RTN1: variants seen among roughly 807,000 people sequenced by gnomAD.
RTN1 encodes the protein reticulon 1, also known as reticulon-1.
Under a neutral mutation model 65.5 loss-of-function variants are expected in RTN1, and 25 were observed. That is an observed-to-expected ratio of 0.38 (90% CI 0.28 to 0.53). The LOEUF (loss-of-function observed/expected upper bound fraction) is 0.53. RTN1 is among the 20% of genes least tolerant of loss of function. The probability of loss-of-function intolerance (pLI) is 0.79; values close to 1 mark genes in which losing one functional copy is unlikely to be tolerated. For synonymous variants in RTN1, 471 were observed against 447.6 expected (o/e 1.05, Z -0.66); for missense variants, 983 against 1,025.4 (o/e 0.96, Z 0.57).
chr14:59,716,462 C>A (rs1055709199), intron 3 of RTN1, among the ~76,000 whole-genome samples: 6 of 152,198 alleles, frequency 3.9e-5, no homozygotes, highest in African/African-American at 1.4e-4. Flanking sequence ...AGCCTTACAA[C>A]TAATTCTGCT....
At chr14:59,840,958 T>C (rs964101300) in intron 1 of RTN1, among the ~76,000 whole-genome samples, 23 of 152,244 alleles carry the variant, frequency 1.5e-4, no homozygotes, top group African/African-American at 5.5e-4. Flanking sequence ...CGGGGTCATT[T>C]AAGTAATTAG....
In RTN1 at chr14:59,819,422, CCCACCCCCCA is replaced by C. The variant is rs1157374674; in HGVS notation, c.241+50958_241+50967del. On this transcript the variant is annotated intron_variant, in intron 1 of 8. Coordinates refer to ENST00000267484, the MANE Select transcript of RTN1 (RefSeq NM_021136.3). Reference sequence around the variant, plus strand: ...GCATCCACACCACCACCACCCCCCCCCCACCCCCCACCCCCCCCCCCCGGCCACAGCTAGA... The same window carrying C: ...GCATCCACACCACCACCACCCCCCCCCCCCCCCCCCCCGGCCACAGCTAGA... 2.2e-3 allele frequency among the ~76,000 whole-genome samples: 30 copies of C among 13,706 alleles called. 6 individuals are homozygous for C. The highest frequency in any genetic ancestry group is 4.6e-3 in the Non-Finnish European group (18 of 3,900). 9.0% of individuals were successfully genotyped at this position (13,706 alleles called of 152,430 possible).
At chr14:59,861,165 A>T (rs1887702430) in intron 1 of RTN1, among the ~76,000 whole-genome samples, 1 of 152,174 alleles carries the variant, frequency 6.6e-6, no homozygotes, top group Admixed American at 6.5e-5. Context: ...TTCATCTTGA[A>T]TTCCCACGTG....
At chr14:59,657,984 A>G (rs1443522756) in intron 3 of RTN1, among the ~76,000 whole-genome samples, 1 of 152,224 alleles carries the variant, frequency 6.6e-6, no homozygotes, top group Non-Finnish European at 1.5e-5. Flanking sequence ...CAGCAAGCTA[A>G]GATTTCCTGG....
intron 3 of RTN1, chr14:59,610,250 T>A: frequency 2.9e-6 from 2 of 685,530 alleles, no homozygotes; most frequent in Non-Finnish European, 2.7e-6. Context: ...CAGAAAGCAT[T>A]AGCTAAGTAA....
chr14:59,721,322 C>A (rs1480362637), intron 3 of RTN1, among the ~76,000 whole-genome samples: 1 of 152,182 alleles, frequency 6.6e-6, no homozygotes, highest in African/African-American at 2.4e-5. Flanking sequence ...CCTCCCAGGG[C>A]ACAGACAGGT....
At position 59,607,368 on chromosome 14, in the gene RTN1, G is replaced by A. The variant is rs1270866323; in HGVS notation, c.1890C>T (p.Ala630=). The change falls in exon 4 of 9, where the codon GCC becomes GCT. Residue 630 remains alanine, a synonymous_variant. Coordinates refer to ENST00000267484, the MANE Select transcript of RTN1 (RefSeq NM_021136.3). ...VVSVVAYLAL[A]ALSATISFRI... is the part of the protein sequence containing the mutation. ...GGAAACTGATGGTGGCTGAGAGTGC[G>A]GCCAGGGCCAGGTAGGCCACGACGC... The A allele has an allele frequency of 4.3e-6, 7 of 1,613,744 alleles. No homozygotes were observed. The highest frequency in any genetic ancestry group is 1.1e-5 in the South Asian group (1 of 91,046).
chr14:59,759,996 C>G (rs940010470), intron 1 of RTN1, among the ~76,000 whole-genome samples: 7 of 152,122 alleles, frequency 4.6e-5, no homozygotes, highest in Non-Finnish European at 7.3e-5. Context: ...GAACCAGCAA[C>G]CTTCTTACAG....
rs553065849 is a variant in RTN1 at position 59,782,013 on chromosome 14, A to G, written c.242-35532T>C. 2.6e-5 allele frequency among the ~76,000 whole-genome samples: 4 copies of G among 152,258 alleles called. No homozygotes were observed. In the East Asian group the frequency reaches 7.7e-4, roughly 29 times the overall value. On this transcript the variant is annotated intron_variant, in intron 1 of 8. Coordinates refer to ENST00000267484, the MANE Select transcript of RTN1 (RefSeq NM_021136.3). Reference sequence around the variant, plus strand: ...CTTTGGGAGGTGATGAGATCATGATAAAGGCAGCTTCATGAATGGGATTAG... The same window carrying G: ...CTTTGGGAGGTGATGAGATCATGATGAAGGCAGCTTCATGAATGGGATTAG...
intron 3 of RTN1, among the ~76,000 whole-genome samples, chr14:59,628,925 C>T (rs1004048131): frequency 3.9e-5 from 6 of 152,194 alleles, no homozygotes; most frequent in African/African-American, 1.4e-4. Context: ...ACTAGAAACT[C>T]ATAATCATGG....
intron 1 of RTN1, among the ~76,000 whole-genome samples, chr14:59,861,835 A>G (rs917977596): frequency 3.9e-5 from 6 of 152,122 alleles, no homozygotes; most frequent in Non-Finnish European, 8.8e-5. Context: ...TTCTTTAACT[A>G]TCTCTCAAAT....
chr14:59,771,340 G>A (rs578101788), intron 1 of RTN1, among the ~76,000 whole-genome samples: 117 of 152,292 alleles, frequency 7.7e-4, no homozygotes, highest in African/African-American at 2.6e-3. Flanking sequence ...AATAAGCAGA[G>A]TTGCTGGTAA....
chr14:59,631,905 G>A (rs1015912640), intron 3 of RTN1, among the ~76,000 whole-genome samples: 1 of 152,170 alleles, frequency 6.6e-6, no homozygotes, highest in Non-Finnish European at 1.5e-5. Context: ...TCATAGAGAA[G>A]TGGAGCCTTC....
chr14:59,727,158 C>T lies in RTN1; in HGVS notation c.1526G>A (p.Arg509His), dbSNP rs756916407. The T allele has an allele frequency of 1.3e-6, 2 of 1,595,858 alleles. No individual in the cohort carries two copies. Among genetic ancestry groups the T allele is most frequent in the East Asian group, 4.5e-5 (2 of 44,146 alleles). ...GGCCAGGCCCCGCCGGCTTGGCGCA[C>T]GCTCCTCGGCCCGGACGCCAGTCTC... ...REETGVRAEE[R>H]APSRRGLAEP... Residue 509 changes from arginine (R) to histidine (H), a missense_variant, in exon 3 of 9, where the codon CGT becomes CAT. This residue lies in a region of RTN1 where 818 missense variants were observed against 801.8 expected (regional missense o/e 1.02). Transcript: ENST00000267484. The surrounding 1 kb of genome is among the most constrained non-coding windows in gnomAD (Gnocchi z 4.2).
intron 3 of RTN1, among the ~76,000 whole-genome samples, chr14:59,627,516 T>G (rs573980350): frequency 2.6e-5 from 4 of 152,386 alleles, no homozygotes; most frequent in African/African-American, 9.6e-5. Context: ...TCTGTAAGAT[T>G]GTTATCTATA....
At chr14:59,811,875 C>G (rs1030171279) in intron 1 of RTN1, among the ~76,000 whole-genome samples, 3 of 152,108 alleles carry the variant, frequency 2.0e-5, no homozygotes, top group Non-Finnish European at 4.4e-5. Context: ...TAACTGGGTA[C>G]GTTTAAAAAA....
At chr14:59,827,314 G>A (rs762357450) in intron 1 of RTN1, among the ~76,000 whole-genome samples, 9 of 152,148 alleles carry the variant, frequency 5.9e-5, no homozygotes, top group African/African-American at 1.9e-4. Flanking sequence ...TCCTGACCTC[G>A]TGATCCGCCG....
At chr14:59,699,569 G>C (rs1214482272) in intron 3 of RTN1, among the ~76,000 whole-genome samples, 2 of 152,160 alleles carry the variant, frequency 1.3e-5, no homozygotes, top group African/African-American at 4.8e-5. Context: ...GCAATATTTA[G>C]AATGTAGCTC....
At chr14:59,772,988 G>A (rs1885987119) in intron 1 of RTN1, among the ~76,000 whole-genome samples, 1 of 152,110 alleles carries the variant, frequency 6.6e-6, no homozygotes, top group Non-Finnish European at 1.5e-5. Flanking sequence ...TTTAGATGAG[G>A]TTCAAATTAT....
Sources: allele counts gnomAD v4.1 joint callset (sites outside exome capture counted in the v4.1 genomes callset), GRCh38; gene constraint gnomAD v4.1.1; regional missense constraint gnomAD v4.1.1; non-coding constraint Gnocchi (gnomAD v3.1); transcripts MANE v1.5; gene names NCBI Gene and HGNC (gene_info 2026-07-23, HGNC 2026-07-21).